The following RARB variants were observed in gnomAD, a reference collection of about 807,000 sequenced individuals.
RARB encodes the protein retinoic acid receptor beta.
In RARB, 17 loss-of-function variants were observed where a neutral mutation model predicts 51.9. The ratio of observed to expected loss-of-function variants is 0.33; its 90% confidence interval spans 0.22 to 0.49. RARB has a LOEUF of 0.49. RARB is among the 20% of genes least tolerant of loss of function. The pLI is 0.99. For missense variants in RARB, 369 were observed against 550.8 expected (o/e 0.67, Z 3.30); for synonymous variants, 215 against 195.4 (o/e 1.10, Z -0.84).
At chr3:24,837,056 G>C (rs1217217841) in intron 1 of RARB, among the ~76,000 whole-genome samples, 1 of 152,138 alleles carries the variant, frequency 6.6e-6, no homozygotes, top group Non-Finnish European at 1.5e-5. Context: ...GATAATTTCA[G>C]ATAGCAATAT....
At chr3:25,563,673 A>G (rs1407621080) in intron 3 of RARB, among the ~76,000 whole-genome samples, 2 of 152,200 alleles carry the variant, frequency 1.3e-5, no homozygotes, top group Non-Finnish European at 2.9e-5. Context: ...GAGATTAGAA[A>G]ATGATTTTTT....
At chr3:25,236,464 A>C (rs548775241) in intron 5 of RARB, among the ~76,000 whole-genome samples, 1 of 152,142 alleles carries the variant, frequency 6.6e-6, no homozygotes. Context: ...AAATGTCCTG[A>C]ATTTTTGAAA....
chr3:25,129,077 C>G (rs1417866780), intron 3 of RARB, among the ~76,000 whole-genome samples: 6 of 151,982 alleles, frequency 3.9e-5, no homozygotes, highest in African/African-American at 1.4e-4. Flanking sequence ...TCTAGAAATT[C>G]AGTAAATAAG....
At chr3:25,010,997 G>A (rs1697382768) in intron 2 of RARB, among the ~76,000 whole-genome samples, 2 of 152,016 alleles carry the variant, frequency 1.3e-5, no homozygotes, top group South Asian at 4.1e-4. Flanking sequence ...CATCTTTCCT[G>A]TTGATATCAG....
At chr3:24,994,810 T>G (rs1309551780) in intron 2 of RARB, among the ~76,000 whole-genome samples, 3 of 152,078 alleles carry the variant, frequency 2.0e-5, no homozygotes, top group Non-Finnish European at 4.4e-5. Context: ...TATAAATGGA[T>G]GGATTTGTAC....
chr3:25,379,146 T>C (rs997978073), intron 5 of RARB, among the ~76,000 whole-genome samples: 1 of 152,206 alleles, frequency 6.6e-6, no homozygotes, highest in African/African-American at 2.4e-5. Flanking sequence ...AGCCTTGGTG[T>C]GTACAAACTC....
At chr3:24,939,004 A>G (rs759714725) in intron 2 of RARB, among the ~76,000 whole-genome samples, 8 of 144,052 alleles carry the variant, frequency 5.6e-5, no homozygotes, top group Non-Finnish European at 1.1e-4. Flanking sequence ...TTTTTTTTAG[A>G]CAGAGTCTCA....
In RARB at chr3:25,203,228, G is replaced by A. The variant is rs573090596; in HGVS notation, c.178+28653G>A. ...TTTGATCTTTGTTGGTTTAAAGTCT[G>A]TTTTATCAGAGACTAGGATTGCAAC... On this transcript the variant is annotated intron_variant, in intron 5 of 11. Coordinates refer to the RARB transcript ENST00000383772. Among the ~76,000 whole-genome samples, 203 of 152,226 alleles carry A rather than the reference G, an allele frequency of 1.3e-3. 1 individual carries two copies. Among genetic ancestry groups the A allele is most frequent in the African/African-American group, 4.4e-3 (184 of 41,554 alleles).
intron 5 of RARB, among the ~76,000 whole-genome samples, chr3:25,198,104 T>A (rs1199145250): frequency 6.6e-6 from 1 of 151,816 alleles, no homozygotes; most frequent in Non-Finnish European, 1.5e-5. Flanking sequence ...GAATAGAGAA[T>A]CCAGGAATAA....
intron 4 of RARB, among the ~76,000 whole-genome samples, chr3:25,166,917 C>A (rs1438910859): frequency 6.6e-6 from 1 of 152,156 alleles, no homozygotes; most frequent in Non-Finnish European, 1.5e-5. Flanking sequence ...AGCCAAATCC[C>A]ATCTATATTT....
chr3:25,592,414 A>G lies in RARB; in HGVS notation c.787-1089A>G, dbSNP rs1322514404. The stretch of plus-strand genomic sequence containing the variant: ...GCTCTGAAACTTTTTCAGAGAGAAA[A>G]GTCAAGTATGGAAACCTGGTCAGCA... On this transcript the variant is annotated intron_variant, in intron 5 of 7. Transcript: ENST00000330688. 2.0e-5 allele frequency among the ~76,000 whole-genome samples: 3 copies of G among 152,136 alleles called. No homozygotes were observed. In the East Asian group the frequency reaches 5.8e-4, roughly 29 times the overall value.
At chr3:25,367,120 C>T (rs960085248) in intron 5 of RARB, among the ~76,000 whole-genome samples, 1 of 152,158 alleles carries the variant, frequency 6.6e-6, no homozygotes, top group African/African-American at 2.4e-5. Context: ...AAAAAAGATT[C>T]TCTCCAGTAT....
intron 5 of RARB, among the ~76,000 whole-genome samples, chr3:25,333,116 G>C (rs1365043686): frequency 1.3e-5 from 2 of 152,156 alleles, no homozygotes; most frequent in Non-Finnish European, 2.9e-5. Context: ...GTAATTTATA[G>C]ATTCAATGCC....
In RARB at chr3:25,009,269, C is replaced by T. The variant is rs369526075; in HGVS notation, c.-379-50856C>T. 5.3e-5 allele frequency among the ~76,000 whole-genome samples: 8 copies of T among 152,142 alleles called. No individual in the cohort carries two copies. The South Asian group carries it at 1.0e-3, about 20-fold the overall frequency. On this transcript the variant is annotated intron_variant, in intron 2 of 11. Coordinates refer to the RARB transcript ENST00000383772. ...AGGGTAGAATGGCTGACAGAAGATA[C>T]ATAGGTACTTCGTTCTATAATTTTG...
chr3:25,161,229 G>A (rs1700468454), intron 4 of RARB, among the ~76,000 whole-genome samples: 1 of 150,346 alleles, frequency 6.7e-6, no homozygotes, highest in South Asian at 2.1e-4. Flanking sequence ...TGTATTTTTA[G>A]TAGAGACAGG....
chr3:25,202,861 G>A (rs535209810), intron 5 of RARB, among the ~76,000 whole-genome samples: 2 of 152,130 alleles, frequency 1.3e-5, no homozygotes, highest in Admixed American at 6.5e-5. Flanking sequence ...CCAACTATGT[G>A]GTCAATTTTG....
chr3:25,276,942 A>C (rs778054128), intron 5 of RARB, among the ~76,000 whole-genome samples: 7 of 152,194 alleles, frequency 4.6e-5, no homozygotes, highest in Non-Finnish European at 8.8e-5. Context: ...ATCTTATCTC[A>C]TTGATGAAAG....
At chr3:24,952,505 A>C (rs557807196) in intron 2 of RARB, among the ~76,000 whole-genome samples, 1 of 152,202 alleles carries the variant, frequency 6.6e-6, no homozygotes, top group Admixed American at 6.5e-5. Flanking sequence ...TCCGGCGCTA[A>C]CTGCTTACCA....
At chr3:25,061,226 A>G (rs1309343335) in intron 3 of RARB, among the ~76,000 whole-genome samples, 1 of 151,932 alleles carries the variant, frequency 6.6e-6, no homozygotes, top group Non-Finnish European at 1.5e-5. Flanking sequence ...AATTTAATTT[A>G]TTCATCATTT....
Sources: gnomAD v4.1 joint callset for allele counts (sites outside exome capture counted in the v4.1 genomes callset) on GRCh38, gnomAD v4.1.1 for gene constraint, MANE v1.5 for transcripts, NCBI Gene and HGNC (gene_info 2026-07-23, HGNC 2026-07-21) for gene names.